Variants in SORCS3 observed in about 807,000 individuals in gnomAD.
SORCS3 encodes the protein VPS10 domain-containing receptor SorCS3.
A neutral mutation model predicts 146.3 loss-of-function variants in SORCS3; 57 were observed. The ratio of observed to expected loss-of-function variants is 0.39; its 90% confidence interval spans 0.31 to 0.49. SORCS3 has a LOEUF of 0.49. Ranked by LOEUF, SORCS3 falls within the 20% of genes least tolerant of loss-of-function variation. The pLI is 0.92. For synonymous variants in SORCS3, 653 were observed against 618.5 expected, an observed-to-expected ratio of 1.06 and a Z score of -0.83; for missense variants, 1,341 against 1,575.5, an observed-to-expected ratio of 0.85 and a Z score of 2.52.
At chr10:105,227,833 T>A (rs1031370463) in intron 20 of SORCS3, among the ~76,000 whole-genome samples, 1 of 152,124 alleles carries the variant, frequency 6.6e-6, no homozygotes, top group Non-Finnish European at 1.5e-5. Flanking sequence ...TTTTTTTTAC[T>A]TAAAGTTTGT....
At chr10:104,855,719 G>GTGTGTGTT (rs2018322962) in intron 2 of SORCS3, among the ~76,000 whole-genome samples, 1 of 139,958 alleles carries the variant, frequency 7.1e-6, no homozygotes, top group African/African-American at 3.3e-5. Context: ...GCTTTTGAGT[G>GTGTGTGTT]TGTGTGTGTG....
Position 105,147,723 on chromosome 10 carries a change from A to G in SORCS3, c.1409A>G (p.Tyr470Cys). ...NLYISDTRGI[Y>C]FTLAMENIKS... ...TACATCTCAGACACGCGTGGGATTTACTTCACTCTGGCCATGGAGAACATC... is the reference window on the plus strand; with the variant it reads ...TACATCTCAGACACGCGTGGGATTTGCTTCACTCTGGCCATGGAGAACATC... Residue 470 changes from tyrosine (Y) to cysteine (C), a missense_variant, in exon 9 of 27, where the codon TAC (tyrosine) becomes TGC (cysteine). Tyr to Cys is a radical substitution (Grantham distance 194). Transcript: ENST00000369701. The G allele has an allele frequency of 6.2e-7, 1 of 1,613,158 alleles. No homozygotes were observed. The highest frequency in any genetic ancestry group is 8.5e-7 in the Non-Finnish European group (1 of 1,179,342).
At chr10:104,678,750 G>A (rs755243830) in intron 1 of SORCS3, among the ~76,000 whole-genome samples, 2 of 152,160 alleles carry the variant, frequency 1.3e-5, no homozygotes, top group African/African-American at 2.4e-5. Context: ...AACATCTGTG[G>A]TATCCCTCAA....
intron 2 of SORCS3, among the ~76,000 whole-genome samples, chr10:104,868,077 A>G (rs1175466266): frequency 6.6e-6 from 1 of 152,162 alleles, no homozygotes; most frequent in Admixed American, 6.5e-5. Flanking sequence ...ATATTTTCAT[A>G]TACGATTGTT....
chr10:105,103,272 C>A (rs791102), intron 6 of SORCS3, among the ~76,000 whole-genome samples: 1 of 151,996 alleles, frequency 6.6e-6, no homozygotes, highest in Non-Finnish European at 1.5e-5. Context: ...CATCTACCCC[C>A]GCTAGTTTTA....
intron 5 of SORCS3, among the ~76,000 whole-genome samples, chr10:105,051,891 T>C (rs529699808): frequency 3.2e-4 from 49 of 152,164 alleles, no homozygotes; most frequent in Non-Finnish European, 5.6e-4. Flanking sequence ...GGAGGGGAAA[T>C]GTGAAAGCTC....
At chr10:104,741,127 A>C (rs1438752665) in intron 1 of SORCS3, among the ~76,000 whole-genome samples, 1 of 138,208 alleles carries the variant, frequency 7.2e-6, no homozygotes, top group Non-Finnish European at 1.5e-5. Flanking sequence ...ACACCTGGAT[A>C]ATTTAAATTT....
chr10:105,060,943 A>C lies in SORCS3; in HGVS notation c.1028+17815A>C, dbSNP rs12571641. Among the ~76,000 whole-genome samples the C allele has an allele frequency of 9.9e-3, 528 of 53,208 alleles. 11 individuals carry two copies. In the South Asian group the frequency reaches 0.19, roughly 19 times the overall value. 34.9% of individuals were successfully genotyped at this position (53,208 alleles called of 152,430 possible). A position where few individuals can be genotyped will look rare whatever the true frequency, so the allele number is the denominator to read the frequency against. ...CAAGAGTGAAACTCCGTCTTAAAACAAAAAAAAAAAACAAACAAAAAAGTT... is the reference window on the plus strand; with the variant it reads ...CAAGAGTGAAACTCCGTCTTAAAACCAAAAAAAAAAACAAACAAAAAAGTT... On this transcript the variant is annotated intron_variant, in intron 5 of 26. Coordinates refer to ENST00000369701, the MANE Select transcript of SORCS3 (RefSeq NM_014978.3).
At chr10:104,933,054 C>T (rs2019223460) in intron 3 of SORCS3, among the ~76,000 whole-genome samples, 1 of 152,136 alleles carries the variant, frequency 6.6e-6, no homozygotes, top group South Asian at 2.1e-4. Context: ...TTAATTGTTC[C>T]ATACCTCAGG....
intron 7 of SORCS3, among the ~76,000 whole-genome samples, chr10:105,128,789 TC>T (rs1311200995): frequency 2.6e-5 from 4 of 152,292 alleles, no homozygotes; most frequent in African/African-American, 9.6e-5. Flanking sequence ...AAGCTTGTGT[TC>T]CTGGGAACAT....
intron 9 of SORCS3, among the ~76,000 whole-genome samples, chr10:105,154,462 A>T (rs999993306): frequency 2.0e-5 from 3 of 152,158 alleles, no homozygotes; most frequent in African/African-American, 7.2e-5. Flanking sequence ...ACTCAAATTG[A>T]TTCCCAGAGG....
chr10:104,922,226 C>T (rs780344686), intron 3 of SORCS3, among the ~76,000 whole-genome samples: 10 of 152,176 alleles, frequency 6.6e-5, no homozygotes, highest in South Asian at 2.1e-4. Flanking sequence ...AAGTAAGTGG[C>T]AGGGTAACAC....
At chr10:104,764,390 G>A (rs1397397793) in intron 1 of SORCS3, among the ~76,000 whole-genome samples, 1 of 152,186 alleles carries the variant, frequency 6.6e-6, no homozygotes, top group African/African-American at 2.4e-5. Flanking sequence ...CACATACTGA[G>A]TAGTGAGGCT....
intron 8 of SORCS3, among the ~76,000 whole-genome samples, chr10:105,140,721 G>A (rs966170037): frequency 2.6e-5 from 4 of 152,154 alleles, no homozygotes; most frequent in East Asian, 1.9e-4. Context: ...AAACTAGGAA[G>A]CCATCTTGAG....
At chr10:105,106,189 T>C (rs1245088050) in intron 7 of SORCS3, among the ~76,000 whole-genome samples, 1 of 152,214 alleles carries the variant, frequency 6.6e-6, no homozygotes, top group Admixed American at 6.5e-5. Flanking sequence ...TCAAACATGG[T>C]ATTTGATTGC....
Position 105,178,174 on chromosome 10 carries a change from G to A in SORCS3, c.2009+1G>A, listed in dbSNP as rs769407927. The stretch of plus-strand genomic sequence containing the variant: ...CAGGAATGGAGACCCACATCATGAC[G>A]TGAGTACTTCTTTTGCTGTGACAGG... On this transcript the variant is annotated splice_donor_variant, in intron 14 of 26. Transcript: ENST00000369701. LOFTEE classifies it high-confidence loss of function. 7 of 1,605,174 alleles carry A rather than the reference G, an allele frequency of 4.4e-6. No homozygotes were observed. The highest frequency in any genetic ancestry group is 1.1e-5 in the South Asian group (1 of 90,360).
chr10:105,255,737 T>C lies in SORCS3; in HGVS notation c.3273T>C (p.Asn1091=). Residue 1091 remains asparagine (N), a synonymous_variant, in exon 24 of 27, where the codon AAT becomes AAC. Transcript: ENST00000369701. ...CACTGTTTAATGCTCTCAACCAAAA[T>C]TTGGTCCAGTTTGAGCTGAAGCCGG... ...VETLFNALNQ[N]LVQFELKPGV... 2 of 1,613,914 alleles carry C rather than the reference T, an allele frequency of 1.2e-6. No individual in the cohort carries two copies. Among genetic ancestry groups the C allele is most frequent in the Non-Finnish European group, 1.7e-6 (2 of 1,179,914 alleles).
intron 4 of SORCS3, among the ~76,000 whole-genome samples, chr10:105,041,069 A>G (rs1051302619): frequency 3.4e-5 from 4 of 118,912 alleles, no homozygotes; most frequent in Non-Finnish European, 3.5e-5. Context: ...ATAAATATAT[A>G]TGTATGTATG....
intron 20 of SORCS3, among the ~76,000 whole-genome samples, chr10:105,232,998 G>A (rs1414801442): frequency 6.6e-6 from 1 of 151,938 alleles, no homozygotes; most frequent in Non-Finnish European, 1.5e-5. Flanking sequence ...GTATTCTGCT[G>A]TTGTCTGATA....
Sources: gnomAD v4.1 joint callset for allele counts (sites outside exome capture counted in the v4.1 genomes callset) on GRCh38, gnomAD v4.1.1 for gene constraint, MANE v1.5 for transcripts, NCBI Gene and HGNC (gene_info 2026-07-23, HGNC 2026-07-21) for gene names.